Variants in CACNA1E observed in about 807,000 individuals in gnomAD.
CACNA1E encodes the protein voltage-dependent R-type calcium channel subunit alpha-1E.
Under a neutral mutation model 259.2 loss-of-function variants are expected in CACNA1E, and 40 were observed. The ratio of observed to expected loss-of-function variants is 0.15; its 90% confidence interval spans 0.12 to 0.20. The LOEUF (loss-of-function observed/expected upper bound fraction) is 0.20. CACNA1E is among the 10% of genes least tolerant of loss of function. CACNA1E has a pLI of 1.00. For missense variants in CACNA1E, 1,874 were observed against 3,040.1 expected, an observed-to-expected ratio of 0.62 and a Z score of 9.02; for synonymous variants, 1,104 against 1,138.5, an observed-to-expected ratio of 0.97 and a Z score of 0.61.
chr1:181,639,720 C>G (rs1483998234), intron 6 of CACNA1E, among the ~76,000 whole-genome samples: 1 of 152,164 alleles, frequency 6.6e-6, no homozygotes, highest in African/African-American at 2.4e-5. Flanking sequence ...TTTATTATCT[C>G]TGTTTTGTTT....
intron 3 of CACNA1E, among the ~76,000 whole-genome samples, chr1:181,535,847 C>T (rs552673988): frequency 7.2e-5 from 11 of 152,082 alleles, no homozygotes; most frequent in South Asian, 2.1e-4. Flanking sequence ...ACTATCACCC[C>T]GGCTAATTTT....
chr1:181,402,956 A>G lies in CACNA1E; in HGVS notation c.-14-10177A>G, dbSNP rs145485101. Among the ~76,000 whole-genome samples the G allele has an allele frequency of 2.7e-3, 406 of 152,316 alleles. 2 individuals carry two copies. The highest frequency in any genetic ancestry group is 9.7e-3 in the African/African-American group (402 of 41,568). ...CTGTTTTCTTATTTACTTAATGGGA[A>G]AGATAAAAGTACTTACCCAATAGGT... On this transcript the variant is annotated intron_variant, in intron 1 of 11. Transcript: ENST00000524607.
chr1:181,643,214 C>T (rs947404462), intron 6 of CACNA1E, among the ~76,000 whole-genome samples: 1 of 152,140 alleles, frequency 6.6e-6, no homozygotes, highest in Non-Finnish European at 1.5e-5. Context: ...CACATCAGCC[C>T]CAGCAGTTAC....
At chr1:181,795,182 A>T in intron 46 of CACNA1E, 138 bp downstream of exon 46, 3 of 718,000 alleles carry the variant, frequency 4.2e-6, no homozygotes, top group Non-Finnish European at 6.7e-6. Flanking sequence ...GCTCCTTACC[A>T]AAGGGAATTC....
chr1:181,458,397 T>G (rs1661594170), intron 2 of CACNA1E, among the ~76,000 whole-genome samples: 2 of 152,238 alleles, frequency 1.3e-5, no homozygotes, highest in African/African-American at 4.8e-5. Flanking sequence ...AATATTTGCC[T>G]TTGTTACGGC....
Position 181,716,088 on chromosome 1 carries a change from G to A in CACNA1E, c.1274G>A (p.Arg425Gln), listed in dbSNP as rs551308908. The A allele has an allele frequency of 3.8e-6, 6 of 1,573,578 alleles. No individual in the cohort carries two copies. The highest frequency in any genetic ancestry group is 4.7e-5 in the East Asian group (2 of 42,740). Residue 425 changes from arginine to glutamine, a missense_variant, in exon 10 of 48, where the codon CGA becomes CAA. This residue lies in a region of CACNA1E where 157 missense variants were observed against 203.5 expected (regional missense o/e 0.77). Coordinates refer to ENST00000367573, the MANE Select transcript of CACNA1E (RefSeq NM_001205293.3). ...IKRSRTEAMTRDSSDEHCVDI... is the reference protein window; with the variant it reads ...IKRSRTEAMTQDSSDEHCVDI... Reference sequence around the variant, plus strand: ...AGGAGCCGGACAGAGGCCATGACTCGAGACTCCAGTGATGAGCACTGTGTT... The same window carrying A: ...AGGAGCCGGACAGAGGCCATGACTCAAGACTCCAGTGATGAGCACTGTGTT...
intron 3 of CACNA1E, among the ~76,000 whole-genome samples, chr1:181,561,070 C>T (rs1214399277): frequency 1.3e-5 from 2 of 152,050 alleles, no homozygotes; most frequent in Non-Finnish European, 2.9e-5. Context: ...AAGATGGTTG[C>T]CAGGGGGCTA....
At chr1:181,409,193 C>G (rs865814135) in intron 1 of CACNA1E, among the ~76,000 whole-genome samples, 1 of 152,218 alleles carries the variant, frequency 6.6e-6, no homozygotes, top group Non-Finnish European at 1.5e-5. Context: ...GATTGTGTGG[C>G]ACGCAAAGCT....
In CACNA1E at chr1:181,319,698, G is replaced by A. The variant is rs561064356; in HGVS notation, c.-15+1575G>A. Among the ~76,000 whole-genome samples, 5 of 152,306 alleles carry A rather than the reference G, an allele frequency of 3.3e-5. 1 individual carries two copies. The South Asian group carries it at 1.0e-3, about 32-fold the overall frequency. On this transcript the variant is annotated intron_variant, in intron 1 of 11. Transcript: ENST00000524607. ...AGAGATGTTGGTAATAATTACACAT[G>A]GCCAATGAAGACTCCCATGCAGATA... is the stretch of plus-strand genomic sequence containing the variant.
chr1:181,750,992 G>T (rs1338243374), intron 26 of CACNA1E, among the ~76,000 whole-genome samples: 1 of 152,066 alleles, frequency 6.6e-6, no homozygotes, highest in Non-Finnish European at 1.5e-5. Context: ...GTGGGGTAGG[G>T]GGGTAGGTAT....
intron 1 of CACNA1E, among the ~76,000 whole-genome samples, chr1:181,374,084 G>T (rs941860268): frequency 5.3e-5 from 8 of 152,066 alleles, no homozygotes; most frequent in African/African-American, 1.9e-4. Flanking sequence ...GTTCATCTAG[G>T]TATGATGTTA....
At chr1:181,438,396 C>G (rs1349923240) in intron 2 of CACNA1E, among the ~76,000 whole-genome samples, 1 of 152,172 alleles carries the variant, frequency 6.6e-6, no homozygotes, top group Non-Finnish European at 1.5e-5. Context: ...ATCCCTAGGT[C>G]CATATGATGT....
intron 1 of CACNA1E, among the ~76,000 whole-genome samples, chr1:181,345,154 C>T (rs1035505565): frequency 1.3e-5 from 2 of 152,260 alleles, no homozygotes; most frequent in Admixed American, 6.5e-5. Flanking sequence ...GCAGGGTCTG[C>T]ACACCTAGCT....
At chr1:181,552,472 T>G (rs1453074662) in intron 3 of CACNA1E, among the ~76,000 whole-genome samples, 1 of 152,144 alleles carries the variant, frequency 6.6e-6, no homozygotes, top group Non-Finnish European at 1.5e-5. Flanking sequence ...TCCAACTATC[T>G]ACTTGTCTAA....
In CACNA1E at chr1:181,707,117, G is replaced by A. The variant is rs1233451042; in HGVS notation, c.1056-3837G>A. Among the ~76,000 whole-genome samples the A allele has an allele frequency of 7.2e-5, 11 of 152,266 alleles. No individual in the cohort carries two copies. The South Asian group carries it at 2.1e-3, about 29-fold the overall frequency. ...AACAATTACAGCAGCGAGGGCAGAG[G>A]GGCTGTAAGAGTTAGGAAAGACACA... On this transcript the variant is annotated intron_variant, in intron 7 of 47. Coordinates refer to ENST00000367573, the MANE Select transcript of CACNA1E (RefSeq NM_001205293.3).
chr1:181,385,266 C>T (rs777408914), intron 1 of CACNA1E, among the ~76,000 whole-genome samples: 10 of 152,168 alleles, frequency 6.6e-5, no homozygotes, highest in African/African-American at 9.7e-5. Flanking sequence ...AGATAGCTAG[C>T]GAGTGCAAGT....
intron 3 of CACNA1E, among the ~76,000 whole-genome samples, chr1:181,561,813 A>G (rs1054811484): frequency 6.6e-6 from 1 of 152,222 alleles, no homozygotes; most frequent in Non-Finnish European, 1.5e-5. Flanking sequence ...ACTGTTTTCC[A>G]AAATGGGTGT....
chr1:181,768,303 A>G (rs1424710008), intron 35 of CACNA1E, among the ~76,000 whole-genome samples: 1 of 152,118 alleles, frequency 6.6e-6, no homozygotes, highest in Non-Finnish European at 1.5e-5. Flanking sequence ...GCATAGAGAG[A>G]GAGTGAGGGG....
chr1:181,663,986 G>C (rs556047070), intron 7 of CACNA1E, among the ~76,000 whole-genome samples: 1 of 152,136 alleles, frequency 6.6e-6, no homozygotes, highest in Admixed American at 6.5e-5. Flanking sequence ...GCAATTGTGG[G>C]CAAATAAGGC....
Sources: allele counts gnomAD v4.1 joint callset (sites outside exome capture counted in the v4.1 genomes callset), GRCh38; gene constraint gnomAD v4.1.1; regional missense constraint gnomAD v4.1.1; transcripts MANE v1.5; gene names NCBI Gene and HGNC (gene_info 2026-07-23, HGNC 2026-07-21).